Variants in MYO16 observed in about 807,000 individuals in gnomAD.
MYO16 encodes myosin XVI.
Under a neutral mutation model 205.3 loss-of-function variants are expected in MYO16, and 94 were observed. The observed-to-expected ratio is 0.46, with a 90% CI of 0.39 to 0.54. MYO16 has a LOEUF of 0.54. Ranked by LOEUF, MYO16 falls within the 20% of genes least tolerant of loss-of-function variation. MYO16 has a pLI of 0.00. For missense variants in MYO16, 2,315 were observed against 2,387.5 expected (o/e 0.97, Z 0.63); for synonymous variants, 988 against 954.0 (o/e 1.04, Z -0.66).
chr13:109,031,747 GT>G (rs1886553017), intron 23 of MYO16, among the ~76,000 whole-genome samples: 1 of 152,086 alleles, frequency 6.6e-6, no homozygotes, highest in African/African-American at 2.4e-5. Context: ...GGCAAGATTA[GT>G]TTTTTCCTTG....
chr13:108,509,686 T>C, the MYO16 span, among the ~76,000 whole-genome samples: 12 of 152,334 alleles, frequency 7.9e-5, no homozygotes, highest in East Asian at 1.7e-3. Flanking sequence ...TTAGAAGATA[T>C]ACCTAATGTT....
intron 27 of MYO16, among the ~76,000 whole-genome samples, chr13:109,088,817 C>T (rs1251130287): frequency 6.6e-6 from 1 of 152,170 alleles, no homozygotes; most frequent in East Asian, 1.9e-4. Context: ...AGCAGCCTGG[C>T]CATGGCCAGA....
At chr13:108,706,068 T>A (rs1355952775) in intron 2 of MYO16, among the ~76,000 whole-genome samples, 26 of 152,148 alleles carry the variant, frequency 1.7e-4, no homozygotes. Context: ...AAATTGAAAC[T>A]GACTCATAGC....
At chr13:109,095,422 T>C (rs1440925528) in intron 27 of MYO16, among the ~76,000 whole-genome samples, 1 of 152,220 alleles carries the variant, frequency 6.6e-6, no homozygotes, top group East Asian at 1.9e-4. Flanking sequence ...AGGAATGGAA[T>C]GTGACCCTGT....
At chr13:108,917,365 G>T (rs78455086) in intron 16 of MYO16, among the ~76,000 whole-genome samples, 1 of 152,164 alleles carries the variant, frequency 6.6e-6, no homozygotes, top group African/African-American at 2.4e-5. Context: ...GAGCACTAAT[G>T]AGCAAGGAGC....
At chr13:108,662,712 G>A (rs1241531825) in intron 1 of MYO16, among the ~76,000 whole-genome samples, 2 of 152,202 alleles carry the variant, frequency 1.3e-5, no homozygotes, top group African/African-American at 4.8e-5. Context: ...CCAGCTGCAA[G>A]AGAAAAGGGC....
chr13:108,558,573 G>A, the MYO16 span, among the ~76,000 whole-genome samples: 3 of 152,190 alleles, frequency 2.0e-5, no homozygotes, highest in East Asian at 1.9e-4. Flanking sequence ...AGAGGATGAG[G>A]CCTTTGCTGT....
At chr13:108,615,842 CTCCA>C (rs1879332796) in intron 1 of MYO16, among the ~76,000 whole-genome samples, 1 of 152,226 alleles carries the variant, frequency 6.6e-6, no homozygotes, top group Non-Finnish European at 1.5e-5. Context: ...AACTGTCTAC[CTCCA>C]TACTAAACAA....
rs78306170 is a variant in MYO16, at chr13:108,840,600, C to T, written c.1098-3743C>T. On this transcript the variant is annotated intron_variant, in intron 9 of 34. Transcript: ENST00000457511. ...TCACTCAGGCTGGAGCATACTGATG[C>T]AATCACAGTTCACTGCAGCCTCGAC... Among the ~76,000 whole-genome samples, 78 of 152,266 alleles carry T rather than the reference C, an allele frequency of 5.1e-4. No homozygotes were observed. In the East Asian group the frequency reaches 0.014, roughly 27 times the overall value.
chr13:108,901,873 G>T (rs1055021750), intron 15 of MYO16, among the ~76,000 whole-genome samples: 1 of 152,286 alleles, frequency 6.6e-6, no homozygotes, highest in African/African-American at 2.4e-5. Flanking sequence ...GATCATAAAC[G>T]TGGTAGGACC....
chr13:108,960,970 G>A (rs1240063913), intron 17 of MYO16, among the ~76,000 whole-genome samples: 1 of 152,036 alleles, frequency 6.6e-6, no homozygotes, highest in Non-Finnish European at 1.5e-5. Flanking sequence ...AAAACAATTA[G>A]CATTTTTTGA....
intron 4 of MYO16, among the ~76,000 whole-genome samples, chr13:108,778,623 A>T (rs9514908): frequency 5.9e-5 from 9 of 151,528 alleles, no homozygotes; most frequent in East Asian, 1.9e-4. Context: ...CATCTAAAAA[A>T]ATATATATTT....
the MYO16 span, among the ~76,000 whole-genome samples, chr13:108,529,719 G>A: frequency 6.6e-6 from 1 of 152,174 alleles, no homozygotes; most frequent in South Asian, 2.1e-4. Flanking sequence ...ATCTTGAAGA[G>A]TGTTTCTTTA....
chr13:108,759,146 T>C (rs574256732), intron 4 of MYO16, among the ~76,000 whole-genome samples: 5 of 151,548 alleles, frequency 3.3e-5, no homozygotes, highest in Admixed American at 1.3e-4. Context: ...CTATCTTCTT[T>C]TAATCATTGT....
At chr13:109,062,637 A>C (rs1887628512) in intron 27 of MYO16, among the ~76,000 whole-genome samples, 1 of 152,042 alleles carries the variant, frequency 6.6e-6, no homozygotes, top group Non-Finnish European at 1.5e-5. Context: ...ATATTACAAA[A>C]AATATTGATT....
chr13:108,750,130 AAGCTT>A (rs1885184948), intron 4 of MYO16, among the ~76,000 whole-genome samples: 1 of 152,230 alleles, frequency 6.6e-6, no homozygotes, highest in Non-Finnish European at 1.5e-5. Flanking sequence ...TAGGTGAATG[AAGCTT>A]AGGGGATTTT....
chr13:109,023,071 ATAT>A (rs1236125321), intron 23 of MYO16, among the ~76,000 whole-genome samples: 1 of 131,632 alleles, frequency 7.6e-6, no homozygotes, highest in Non-Finnish European at 1.5e-5. Flanking sequence ...TTATATTTAT[ATAT>A]TATATATACA....
chr13:109,189,484 A>G lies in MYO16; in HGVS notation c.5415+9851A>G, dbSNP rs569065942. On this transcript the variant is annotated intron_variant, in intron 34 of 34. Transcript: ENST00000457511. ...ATTATTTGGATATTTTTAAAATTCC[A>G]TTTTACATTACCTATTGGTAAATTA... Among the ~76,000 whole-genome samples, 3 of 152,330 alleles carry G rather than the reference A, an allele frequency of 2.0e-5. No homozygotes were observed. In the East Asian group the frequency reaches 5.8e-4, roughly 29 times the overall value.
chr13:109,042,737 ATAT>A (rs545283726), intron 23 of MYO16, among the ~76,000 whole-genome samples: 1 of 152,312 alleles, frequency 6.6e-6, no homozygotes, highest in South Asian at 2.1e-4. Context: ...CCCTTAGGTA[ATAT>A]TATTTAACAC....
Sources: gnomAD v4.1 joint callset for allele counts (sites outside exome capture counted in the v4.1 genomes callset) on GRCh38, gnomAD v4.1.1 for gene constraint, MANE v1.5 for transcripts, NCBI Gene and HGNC (gene_info 2026-07-23, HGNC 2026-07-21) for gene names.